Variants in LRFN2 observed in about 807,000 individuals in gnomAD.
The protein encoded by LRFN2 is leucine-rich repeat and fibronectin type-III domain-containing protein 2.
In LRFN2, 18 loss-of-function variants were observed where a neutral mutation model predicts 37.3. That is an observed-to-expected ratio of 0.48 (90% CI 0.33 to 0.72). The LOEUF is 0.72. LRFN2 is among the 30% of genes least tolerant of loss of function. LRFN2 has a pLI of 0.02. For synonymous variants in LRFN2, 556 were observed against 466.6 expected, an observed-to-expected ratio of 1.19 and a Z score of -2.47; for missense variants, 1,006 against 1,060.7, an observed-to-expected ratio of 0.95 and a Z score of 0.72.
In LRFN2 at chr6:40,499,674, A is replaced by G. The variant is rs1765325179; in HGVS notation, c.-18-66543T>C. 2.0e-5 allele frequency among the ~76,000 whole-genome samples: 3 copies of G among 151,942 alleles called. No individual in the cohort carries two copies. In the South Asian group the frequency reaches 6.2e-4, roughly 32 times the overall value. ...AGAGTGTGGGCCGAGGGGAAAGTGG[A>G]AGTGCTGGGTCTGCTGCCTGACACC... On this transcript the variant is annotated intron_variant, in intron 1 of 2. Coordinates refer to ENST00000338305, the MANE Select transcript of LRFN2 (RefSeq NM_020737.3).
intron 1 of LRFN2, among the ~76,000 whole-genome samples, chr6:40,512,751 G>A (rs1171577892): frequency 6.6e-6 from 1 of 152,234 alleles, no homozygotes; most frequent in Non-Finnish European, 1.5e-5. Flanking sequence ...AATCTACCAG[G>A]AGGGTGCCAG....
chr6:40,564,906 G>A (rs77648559), intron 1 of LRFN2, among the ~76,000 whole-genome samples: 1,730 of 152,032 alleles, frequency 0.011, 16 homozygotes, highest in Non-Finnish European at 0.017. Context: ...ACCATCACAG[G>A]AGTCTGCATA....
chr6:40,560,199 A>G (rs141905806), intron 1 of LRFN2, among the ~76,000 whole-genome samples: 2 of 152,318 alleles, frequency 1.3e-5, no homozygotes, highest in Admixed American at 1.3e-4. Flanking sequence ...CTAGTCCAGG[A>G]GGCGCTCTGA....
At chr6:40,581,984 AG>A (rs1362721186) in intron 1 of LRFN2, among the ~76,000 whole-genome samples, 2 of 152,212 alleles carry the variant, frequency 1.3e-5, no homozygotes, top group African/African-American at 4.8e-5. Context: ...AGAATGAAAA[AG>A]AATGGGGTAG....
intron 1 of LRFN2, chr6:40,523,994 G>A (rs892329345): frequency 6.6e-6 from 1 of 151,532 alleles, no homozygotes; most frequent in African/African-American, 2.4e-5. Flanking sequence ...GGGCTGGGAA[G>A]GGCAGGGGGA....
At chr6:40,473,835 C>T (rs532130617) in intron 1 of LRFN2, among the ~76,000 whole-genome samples, 35 of 152,186 alleles carry the variant, frequency 2.3e-4, no homozygotes, top group Admixed American at 7.9e-4. Context: ...ACATATCATC[C>T]CTATATTACC....
intron 1 of LRFN2, among the ~76,000 whole-genome samples, chr6:40,435,017 A>ATG: frequency 2.7e-5 from 1 of 37,090 alleles, no homozygotes; most frequent in Non-Finnish European, 5.0e-5. Flanking sequence ...GGTTTTACAT[A>ATG]TATATATATA....
At chr6:40,578,656 A>T (rs1482622670) in intron 1 of LRFN2, among the ~76,000 whole-genome samples, 2 of 152,184 alleles carry the variant, frequency 1.3e-5, no homozygotes, top group Non-Finnish European at 2.9e-5. Flanking sequence ...GCTTAGAAAA[A>T]TACCACTATT....
chr6:40,393,881 T>A (rs1467335306), intron 2 of LRFN2, among the ~76,000 whole-genome samples: 2 of 152,170 alleles, frequency 1.3e-5, no homozygotes, highest in South Asian at 2.1e-4. Flanking sequence ...GAGCGTTTGC[T>A]GCTGCAGACT....
intron 1 of LRFN2, among the ~76,000 whole-genome samples, chr6:40,570,081 T>A (rs1042722476): frequency 5.3e-5 from 8 of 152,114 alleles, no homozygotes; most frequent in African/African-American, 1.9e-4. Flanking sequence ...GCAACTGTCT[T>A]GTGGGTAGGG....
chr6:40,572,884 G>C (rs1767212440), intron 1 of LRFN2, among the ~76,000 whole-genome samples: 1 of 152,134 alleles, frequency 6.6e-6, no homozygotes, highest in Non-Finnish European at 1.5e-5. Flanking sequence ...TCCTCTACCT[G>C]CTGGGGGAAG....
chr6:40,427,517 C>T (rs1380300812), intron 2 of LRFN2, among the ~76,000 whole-genome samples: 1 of 152,198 alleles, frequency 6.6e-6, no homozygotes, highest in East Asian at 1.9e-4. Context: ...AGCACCTGCC[C>T]TCATGAATGG....
intron 1 of LRFN2, among the ~76,000 whole-genome samples, chr6:40,534,792 G>T (rs1055011126): frequency 1.3e-5 from 2 of 152,192 alleles, no homozygotes; most frequent in African/African-American, 4.8e-5. Flanking sequence ...CTGTGGTCTA[G>T]AACAGGGGAC....
At chr6:40,452,970 A>G (rs189526672) in intron 1 of LRFN2, among the ~76,000 whole-genome samples, 35 of 152,336 alleles carry the variant, frequency 2.3e-4, no homozygotes, top group African/African-American at 5.5e-4. Flanking sequence ...AGCCTCCGGC[A>G]ACTTATGTAA....
chr6:40,519,123 A>T (rs1394997701), intron 1 of LRFN2, among the ~76,000 whole-genome samples: 1 of 152,204 alleles, frequency 6.6e-6, no homozygotes, highest in Non-Finnish European at 1.5e-5. Context: ...CACTGAACTC[A>T]GTGTTCACCA....
chr6:40,577,400 C>A (rs1175278824), intron 1 of LRFN2, among the ~76,000 whole-genome samples: 1 of 151,982 alleles, frequency 6.6e-6, no homozygotes, highest in African/African-American at 2.4e-5. Context: ...CTGCACCAAG[C>A]CCCCAAGGCC....
At chr6:40,557,866 A>G (rs1221050497) in intron 1 of LRFN2, among the ~76,000 whole-genome samples, 1 of 152,242 alleles carries the variant, frequency 6.6e-6, no homozygotes, top group African/African-American at 2.4e-5. Context: ...TCACACAGCA[A>G]CTTCTATGGG....
chr6:40,444,691 A>G (rs901078281), intron 1 of LRFN2, among the ~76,000 whole-genome samples: 1 of 152,142 alleles, frequency 6.6e-6, no homozygotes, highest in Non-Finnish European at 1.5e-5. Context: ...CATCTGGGCA[A>G]TTAAGCTGGG....
chr6:40,475,985 T>A (rs1420859370), intron 1 of LRFN2, among the ~76,000 whole-genome samples: 1 of 152,192 alleles, frequency 6.6e-6, no homozygotes, highest in Non-Finnish European at 1.5e-5. Flanking sequence ...CTCCTTAAAA[T>A]ATATATTAAA....
Sources: allele counts gnomAD v4.1 joint callset (sites outside exome capture counted in the v4.1 genomes callset), GRCh38; gene constraint gnomAD v4.1.1; transcripts MANE v1.5; gene names NCBI Gene and HGNC (gene_info 2026-07-23, HGNC 2026-07-21).